Variants in KCTD10 observed in about 807,000 individuals in gnomAD.
The protein encoded by KCTD10 is BTB/POZ domain-containing adapter for CUL3-mediated RhoA degradation protein 3.
A neutral mutation model predicts 34.6 loss-of-function variants in KCTD10; 13 were observed. The ratio of observed to expected loss-of-function variants is 0.38; its 90% CI spans 0.24 to 0.60. The LOEUF (loss-of-function observed/expected upper bound fraction) is 0.60, where lower values mean the gene tolerates loss of function less well. KCTD10 is among the 20% of genes least tolerant of loss of function. KCTD10 has a pLI of 0.66. For synonymous variants in KCTD10, 156 were observed against 168.8 expected, an observed-to-expected ratio of 0.92 and a Z score of 0.59; for missense variants, 256 against 420.3, an observed-to-expected ratio of 0.61 and a Z score of 3.42.
chr12:109,458,621 A>AGAAGAAAG (rs1873153487), intron 3 of KCTD10: 1 of 154,126 alleles, frequency 6.5e-6, no homozygotes, highest in Non-Finnish European at 1.4e-5. Flanking sequence ...CCATGCAGGC[A>AGAAGAAAG]GAAGAAAGGG....
At position 109,460,740 on chromosome 12, in the gene KCTD10, C is replaced by A; in HGVS notation, c.283G>T (p.Ala95Ser). Residue 95 changes from alanine (A) to serine (S), a missense_variant, in exon 3 of 7, where the codon GCG becomes TCG. Coordinates refer to ENST00000228495, the MANE Select transcript of KCTD10 (RefSeq NM_031954.5). The surrounding 1 kb of genome is among the most constrained non-coding windows in gnomAD (Gnocchi z 4.5). ...CGGCGGCTCTCGGGTAAAGGCACCGCCCCGTCTCGAAGGTAGTTGAGTATC... is the reference window on the plus strand; with the variant it reads ...CGGCGGCTCTCGGGTAAAGGCACCGACCCGTCTCGAAGGTAGTTGAGTATC... Reference protein sequence around the residue: ...GTILNYLRDGAVPLPESRREI... With the variant: ...GTILNYLRDGSVPLPESRREI... 1 of 1,614,186 alleles carries A rather than the reference C, an allele frequency of 6.2e-7. No homozygotes were observed.
At chr12:109,471,072 C>T (rs1873862011) in intron 1 of KCTD10, 2 of 980,460 alleles carry the variant, frequency 2.0e-6, no homozygotes, top group Non-Finnish European at 2.4e-6. Flanking sequence ...GTATGCTCCT[C>T]GTGCTTTTTG....
At chr12:109,469,855 TC>T (rs1409367324) in intron 1 of KCTD10, 127 bp from the exon 2 acceptor site, 2 of 1,453,946 alleles carry the variant, frequency 1.4e-6, no homozygotes, top group African/African-American at 2.8e-5. Context: ...AAAGTTTGCT[TC>T]CAATGTGGAC....
At chr12:109,474,951 T>C (rs1415495132) in intron 1 of KCTD10, among the ~76,000 whole-genome samples, 1 of 152,190 alleles carries the variant, frequency 6.6e-6, no homozygotes, top group African/African-American at 2.4e-5. Flanking sequence ...AAACCTGGAT[T>C]GCAATCCAGT....
chr12:109,472,583 T>C (rs1259149423), intron 1 of KCTD10, among the ~76,000 whole-genome samples: 2 of 152,136 alleles, frequency 1.3e-5, no homozygotes, highest in East Asian at 1.9e-4. Context: ...CAGTGATATA[T>C]CTATCAAGTT....
In KCTD10 at chr12:109,451,864, C is replaced by T; in HGVS notation, c.724-51G>A. ...GGTAAGTTATGGCCCACCCCCTCTG[C>T]CAACACCTGGACTTTAAGCAGGGCC... On this transcript the variant is annotated intron_variant, in intron 6 of 6. Coordinates refer to ENST00000228495, the MANE Select transcript of KCTD10 (RefSeq NM_031954.5). The surrounding 1 kb of genome is among the most constrained non-coding windows in gnomAD (Gnocchi z 5.0). 6.6e-7 allele frequency: 1 copy of T among 1,505,368 alleles called. No individual in the cohort carries two copies. Among genetic ancestry groups the T allele is most frequent in the Non-Finnish European group, 9.0e-7 (1 of 1,109,980 alleles). The allele number at this position is 1,505,368 out of a possible 1,614,324, so 93.3% of individuals were successfully genotyped here.
At chr12:109,459,867 G>C (rs912266979) in intron 3 of KCTD10, among the ~76,000 whole-genome samples, 1 of 152,246 alleles carries the variant, frequency 6.6e-6, no homozygotes, top group Non-Finnish European at 1.5e-5. Context: ...GTGTTTTGAT[G>C]TTAACCTTGC....
At chr12:109,476,701 C>G (rs1036169974) in intron 1 of KCTD10, among the ~76,000 whole-genome samples, 3 of 152,054 alleles carry the variant, frequency 2.0e-5, no homozygotes, top group Non-Finnish European at 2.9e-5. Flanking sequence ...CTCTCGATTT[C>G]TTTCCCTCAC....
Position 109,477,289 on chromosome 12 carries a change from C to T in KCTD10, c.-27G>A, listed in dbSNP as rs375625631. ...AAAAGTCGGAGGACGCAGGAGTCTC[C>T]AAACCCGGACTGAGAGAGGCAGGAA... On this transcript the variant is annotated 5_prime_UTR_variant, in exon 1 of 7. Coordinates refer to ENST00000228495, the MANE Select transcript of KCTD10 (RefSeq NM_031954.5). The T allele has an allele frequency of 1.2e-4, 200 of 1,613,700 alleles. No homozygotes were observed. The highest frequency in any genetic ancestry group is 1.7e-4 in the Non-Finnish European group (195 of 1,179,890).
intron 2 of KCTD10, among the ~76,000 whole-genome samples, chr12:109,465,095 A>T (rs191297019): frequency 9.1e-4 from 138 of 152,306 alleles, no homozygotes; most frequent in Non-Finnish European, 1.6e-3. Flanking sequence ...GCAGCATCGC[A>T]CAGAGAAACT....
chr12:109,451,265 A>G lies in KCTD10; in HGVS notation c.*330T>C. ...ATAGGAAGTCGACACCCACAAAAATAAATATTGCAAACAAAAGTTCTCACA... is the reference window on the plus strand; with the variant it reads ...ATAGGAAGTCGACACCCACAAAAATGAATATTGCAAACAAAAGTTCTCACA... On this transcript the variant is annotated 3_prime_UTR_variant, in exon 7 of 7. Transcript: ENST00000228495. This position sits in a 1 kb window ranked among gnomAD's most constrained non-coding sequence, Gnocchi z 5.0. The G allele has an allele frequency of 4.0e-6, 1 of 249,952 alleles. No individual in the cohort carries two copies. The highest frequency in any genetic ancestry group is 1.3e-4 in the South Asian group (1 of 7,512). The allele number at this position is 249,952 out of a possible 1,614,324, so 15.5% of individuals were successfully genotyped here.
In KCTD10 at chr12:109,451,464, T is replaced by C. The variant is rs1166286124; in HGVS notation, c.*131A>G. On this transcript the variant is annotated 3_prime_UTR_variant, in exon 7 of 7. Transcript: ENST00000228495. This position sits in a 1 kb window ranked among gnomAD's most constrained non-coding sequence, Gnocchi z 5.0. ...TTGTCAAGCAATACCAAAATAATCATCTGGCTTGTTACAAAAGTATCTCCA... is the reference window on the plus strand; with the variant it reads ...TTGTCAAGCAATACCAAAATAATCACCTGGCTTGTTACAAAAGTATCTCCA... The C allele has an allele frequency of 1.2e-6, 1 of 858,718 alleles. No individual in the cohort carries two copies. Among genetic ancestry groups the C allele is most frequent in the South Asian group, 1.8e-5 (1 of 54,446 alleles). 53.2% of individuals were successfully genotyped at this position (858,718 alleles called of 1,614,324 possible). A position where few individuals can be genotyped will look rare whatever the true frequency, so the allele number is the denominator to read the frequency against.
chr12:109,464,004 CTGGGG>C (rs982456719), intron 2 of KCTD10, among the ~76,000 whole-genome samples: 1 of 152,154 alleles, frequency 6.6e-6, no homozygotes, highest in African/African-American at 2.4e-5. Context: ...GAAGGCTGCT[CTGGGG>C]GTCAGGAGGA....
intron 1 of KCTD10, chr12:109,471,402 C>T (rs1307776137): frequency 3.0e-6 from 3 of 985,400 alleles, no homozygotes; most frequent in Admixed American, 6.1e-5. Context: ...AGAGAAAGAA[C>T]GGCCTCCTGG....
intron 2 of KCTD10, among the ~76,000 whole-genome samples, chr12:109,468,677 G>C (rs1484554903): frequency 7.0e-6 from 1 of 142,884 alleles, no homozygotes; most frequent in African/African-American, 2.6e-5. Context: ...TTTTGAGACG[G>C]AGTCTCGCTC....
intron 1 of KCTD10, chr12:109,470,288 A>C (rs906403672): frequency 1.0e-6 from 1 of 985,430 alleles, no homozygotes; most frequent in Non-Finnish European, 1.2e-6. Context: ...TGGCACTCCT[A>C]TCACTTCCTG....
chr12:109,456,573 C>T, intron 5 of KCTD10: 1 of 492,464 alleles, frequency 2.0e-6, no homozygotes, highest in East Asian at 3.9e-5. Flanking sequence ...GCCCCTAAGC[C>T]TGAGTGCTCC....
chr12:109,474,194 C>T (rs890735196), intron 1 of KCTD10, among the ~76,000 whole-genome samples: 17 of 152,260 alleles, frequency 1.1e-4, no homozygotes, highest in Middle Eastern at 3.4e-3. Context: ...AGATTACAGG[C>T]ATGAACCACC....
intron 1 of KCTD10, among the ~76,000 whole-genome samples, chr12:109,472,713 C>A (rs78308831): frequency 0.014 from 2,078 of 152,302 alleles, 48 homozygotes; most frequent in African/African-American, 0.048. Flanking sequence ...TGTTGTGCTA[C>A]CACTGAAATG....
Sources: allele counts gnomAD v4.1 joint callset (sites outside exome capture counted in the v4.1 genomes callset), GRCh38; gene constraint gnomAD v4.1.1; non-coding constraint Gnocchi (gnomAD v3.1); transcripts MANE v1.5; gene names NCBI Gene and HGNC (gene_info 2026-07-23, HGNC 2026-07-21).